Variants in UMAD1 observed in about 807,000 individuals in gnomAD.
UMAD1 encodes UBAP1-MVB12-associated (UMA)-domain containing protein 1.
In UMAD1, 8 loss-of-function variants were observed where a neutral mutation model predicts 6.1. The observed-to-expected ratio is 1.30, with a 90% CI of 0.76 to 2.35. The LOEUF (loss-of-function observed/expected upper bound fraction) is 2.35, where lower values mean the gene tolerates loss of function less well. Among genes scored for constraint, UMAD1 ranks in the 30% most tolerant of loss-of-function variants. UMAD1 has a pLI of 0.00. For synonymous variants in UMAD1, 56 were observed against 31.4 expected (o/e 1.78, Z -2.61); for missense variants, 130 against 78.4 (o/e 1.66, Z -2.49).
At chr7:7,663,477 A>G (rs1785528056) in intron 1 of UMAD1, among the ~76,000 whole-genome samples, 1 of 152,170 alleles carries the variant, frequency 6.6e-6, no homozygotes, top group Non-Finnish European at 1.5e-5. Context: ...ACCAATATCA[A>G]AAACTACAAA....
At chr7:7,817,922 T>C (rs1295124413) in intron 3 of UMAD1, among the ~76,000 whole-genome samples, 1 of 152,174 alleles carries the variant, frequency 6.6e-6, no homozygotes, top group Non-Finnish European at 1.5e-5. Context: ...CATGTGATCT[T>C]CTCACCTCAG....
chr7:7,833,676 T>C (rs1468068386), intron 3 of UMAD1, among the ~76,000 whole-genome samples: 1 of 152,182 alleles, frequency 6.6e-6, no homozygotes, highest in Non-Finnish European at 1.5e-5. Flanking sequence ...ATAGGAAATA[T>C]AGTTACTGGA....
intron 2 of UMAD1, among the ~76,000 whole-genome samples, chr7:7,693,441 G>T (rs1780229248): frequency 6.6e-6 from 1 of 151,964 alleles, no homozygotes; most frequent in Non-Finnish European, 1.5e-5. Flanking sequence ...CTTTCCAAGG[G>T]GAAAAGATGT....
intron 2 of UMAD1, among the ~76,000 whole-genome samples, chr7:7,759,817 T>C (rs1161635717): frequency 6.6e-6 from 1 of 152,124 alleles, no homozygotes; most frequent in Non-Finnish European, 1.5e-5. Context: ...GACCATGACA[T>C]ATTCAGGGAA....
intron 1 of UMAD1, among the ~76,000 whole-genome samples, chr7:7,667,133 C>T (rs1416987764): frequency 1.3e-5 from 2 of 152,136 alleles, no homozygotes; most frequent in African/African-American, 4.8e-5. Context: ...TTATCCCCCA[C>T]CTGTATAGAG....
chr7:7,778,269 T>A (rs796915391), intron 2 of UMAD1, among the ~76,000 whole-genome samples: 3,543 of 110,788 alleles, frequency 0.032, 69 homozygotes, highest in East Asian at 0.081. Context: ...TGTGTGTGTG[T>A]GTGTGTGAGA....
At chr7:7,653,015 T>A (rs1281584093) in intron 1 of UMAD1, among the ~76,000 whole-genome samples, 1 of 152,254 alleles carries the variant, frequency 6.6e-6, no homozygotes, top group Non-Finnish European at 1.5e-5. Flanking sequence ...TCTAGAGAGT[T>A]GTAAAGAGGT....
chr7:7,857,788 T>C (rs991172767), intron 3 of UMAD1, among the ~76,000 whole-genome samples: 10 of 152,178 alleles, frequency 6.6e-5, no homozygotes, highest in South Asian at 2.1e-4. Context: ...ACAATGTTTT[T>C]CCCCCTCCAA....
chr7:7,817,663 A>AT (rs1357179608), intron 3 of UMAD1, among the ~76,000 whole-genome samples: 1 of 151,980 alleles, frequency 6.6e-6, no homozygotes, highest in African/African-American at 2.4e-5. Flanking sequence ...TGCCACATTG[A>AT]TTTTTTATTT....
chr7:7,695,348 G>T (rs1780284910), intron 2 of UMAD1, among the ~76,000 whole-genome samples: 1 of 152,164 alleles, frequency 6.6e-6, no homozygotes, highest in African/African-American at 2.4e-5. Flanking sequence ...TTGTAACACA[G>T]AATGATTATG....
chr7:7,730,704 A>G (rs1401530843), intron 2 of UMAD1, among the ~76,000 whole-genome samples: 1 of 152,352 alleles, frequency 6.6e-6, no homozygotes, highest in East Asian at 1.9e-4. Context: ...CTTAAAAACA[A>G]AACAAAACAA....
At chr7:7,692,113 CAG>C (rs1328792604) in intron 2 of UMAD1, among the ~76,000 whole-genome samples, 16 of 152,098 alleles carry the variant, frequency 1.1e-4, no homozygotes, top group Non-Finnish European at 1.2e-4. Context: ...GTAAATGAAA[CAG>C]AGTACTTCGC....
At chr7:7,738,298 G>C (rs565953045) in intron 2 of UMAD1, among the ~76,000 whole-genome samples, 2 of 152,284 alleles carry the variant, frequency 1.3e-5, no homozygotes, top group East Asian at 3.9e-4. Context: ...GGCTTGTTCT[G>C]CCTATGCCCT....
At chr7:7,845,526 A>G (rs896631395) in intron 3 of UMAD1, among the ~76,000 whole-genome samples, 22 of 152,130 alleles carry the variant, frequency 1.4e-4, no homozygotes, top group African/African-American at 4.3e-4. Flanking sequence ...CAGTGAAACT[A>G]GCTTTTTGTG....
At chr7:7,680,688 AT>A (rs66525650) in intron 2 of UMAD1, among the ~76,000 whole-genome samples, 31,507 of 150,876 alleles carry the variant, frequency 0.21, 3,432 homozygotes, top group Middle Eastern at 0.25. Context: ...ATATCTTTCC[AT>A]TTTTTTTTAT....
intron 3 of UMAD1, among the ~76,000 whole-genome samples, chr7:7,875,471 G>A (rs1784399638): frequency 6.8e-6 from 1 of 147,746 alleles, no homozygotes; most frequent in Non-Finnish European, 1.5e-5. Flanking sequence ...AAAGAGAGAA[G>A]AATCAAATAG....
chr7:7,840,336 C>T (rs1359410279), intron 3 of UMAD1, among the ~76,000 whole-genome samples: 1 of 152,094 alleles, frequency 6.6e-6, no homozygotes, highest in Non-Finnish European at 1.5e-5. Flanking sequence ...CCCGACTGCA[C>T]ATCAGAATAA....
intron 3 of UMAD1, among the ~76,000 whole-genome samples, chr7:7,836,630 G>A (rs571819893): frequency 2.0e-5 from 3 of 151,608 alleles, no homozygotes; most frequent in African/African-American, 7.2e-5. Flanking sequence ...TAAATAAAAG[G>A]CAAACTTAAA....
intron 3 of UMAD1, among the ~76,000 whole-genome samples, chr7:7,822,397 C>T (rs2115297310): frequency 6.6e-6 from 1 of 152,068 alleles, no homozygotes; most frequent in South Asian, 2.1e-4. Flanking sequence ...ACAACCCGAG[C>T]CTGGTCGTTT....
Sources: gnomAD v4.1 joint callset for allele counts (sites outside exome capture counted in the v4.1 genomes callset) on GRCh38, gnomAD v4.1.1 for gene constraint, MANE v1.5 for transcripts, NCBI Gene and HGNC (gene_info 2026-07-23, HGNC 2026-07-21) for gene names.